Variants in MAML2 observed in about 807,000 individuals in gnomAD.
MAML2 encodes the protein mastermind like transcriptional coactivator 2.
MAML2 carries 22 observed loss-of-function variants against 96.1 expected under a neutral mutation model. The observed-to-expected ratio is 0.23, with a 90% confidence interval of 0.16 to 0.33. The LOEUF (loss-of-function observed/expected upper bound fraction) is 0.33. MAML2 is among the 10% of genes least tolerant of loss of function. The probability of loss-of-function intolerance (pLI) is 1.00; values close to 1 mark genes in which losing one functional copy is unlikely to be tolerated. For missense variants in MAML2, 1,367 were observed against 1,392.4 expected (o/e 0.98, Z 0.29); for synonymous variants, 561 against 521.3 (o/e 1.08, Z -1.04).
intron 1 of MAML2, among the ~76,000 whole-genome samples, chr11:96,139,846 G>A (rs909957755): frequency 5.9e-5 from 9 of 152,086 alleles, no homozygotes; most frequent in East Asian, 1.9e-4. Context: ...TGAAATTTCC[G>A]TCTCTGTTGC....
At chr11:96,105,064 T>C (rs1029804792) in intron 1 of MAML2, among the ~76,000 whole-genome samples, 1 of 152,120 alleles carries the variant, frequency 6.6e-6, no homozygotes, top group African/African-American at 2.4e-5. Context: ...ATAATCACAC[T>C]CAATAAAGTT....
At chr11:96,188,204 C>T (rs749428461) in intron 1 of MAML2, among the ~76,000 whole-genome samples, 10 of 152,184 alleles carry the variant, frequency 6.6e-5, no homozygotes, top group African/African-American at 9.7e-5. Flanking sequence ...ATGTTTGAAA[C>T]CTTAGGTTTC....
chr11:96,289,770 C>T (rs1018973375), intron 1 of MAML2, among the ~76,000 whole-genome samples: 1 of 151,864 alleles, frequency 6.6e-6, no homozygotes, highest in East Asian at 1.9e-4. Context: ...TATTGGTGTG[C>T]CTAACATTCT....
At chr11:96,297,153 A>C (rs1863315067) in intron 1 of MAML2, among the ~76,000 whole-genome samples, 1 of 152,146 alleles carries the variant, frequency 6.6e-6, no homozygotes, top group Non-Finnish European at 1.5e-5. Context: ...GATGATGGGG[A>C]GACAGAGGAA....
chr11:96,067,100 G>C (rs1346572186), intron 2 of MAML2, among the ~76,000 whole-genome samples: 1 of 152,138 alleles, frequency 6.6e-6, no homozygotes, highest in Non-Finnish European at 1.5e-5. Context: ...GGTTCTGAGT[G>C]GGGAGGAGAC....
intron 1 of MAML2, among the ~76,000 whole-genome samples, chr11:96,133,353 T>C (rs1299133738): frequency 6.6e-6 from 1 of 152,232 alleles, no homozygotes; most frequent in Non-Finnish European, 1.5e-5. Context: ...CATTTTCTTA[T>C]CATTTTTTAT....
At chr11:96,229,097 G>GA (rs1862255151) in intron 1 of MAML2, among the ~76,000 whole-genome samples, 1 of 151,978 alleles carries the variant, frequency 6.6e-6, no homozygotes, top group South Asian at 2.1e-4. Flanking sequence ...TTTCTCAGCA[G>GA]AAAAATGCAA....
At chr11:96,086,548 C>T (rs562563968) in intron 2 of MAML2, among the ~76,000 whole-genome samples, 1 of 152,068 alleles carries the variant, frequency 6.6e-6, no homozygotes, top group African/African-American at 2.4e-5. Context: ...AAGAATATGC[C>T]TGCAATATGA....
chr11:96,310,132 C>T (rs1268074584), intron 1 of MAML2, among the ~76,000 whole-genome samples: 7 of 151,914 alleles, frequency 4.6e-5, no homozygotes, highest in Admixed American at 2.0e-4. Flanking sequence ...ACTGTGATTA[C>T]GTGAAAAGGA....
At chr11:96,030,167 C>T (rs1404981570) in intron 2 of MAML2, among the ~76,000 whole-genome samples, 4 of 151,514 alleles carry the variant, frequency 2.6e-5, no homozygotes, top group African/African-American at 4.8e-5. Flanking sequence ...ACCTGGGAGG[C>T]GGAGCTTGCA....
chr11:96,290,721 G>C (rs1302578136), intron 1 of MAML2, among the ~76,000 whole-genome samples: 1 of 152,084 alleles, frequency 6.6e-6, no homozygotes, highest in Non-Finnish European at 1.5e-5. Context: ...TCATGAAATG[G>C]TATTATTCAC....
intron 1 of MAML2, among the ~76,000 whole-genome samples, chr11:96,283,677 G>A (rs530867647): frequency 1.3e-5 from 2 of 152,176 alleles, no homozygotes; most frequent in African/African-American, 4.8e-5. Context: ...TGTCCTCTAC[G>A]TTCTGAAGTC....
chr11:96,208,578 T>C (rs1226192363), intron 1 of MAML2, among the ~76,000 whole-genome samples: 1 of 152,232 alleles, frequency 6.6e-6, no homozygotes, highest in Non-Finnish European at 1.5e-5. Context: ...GGGCTAACCC[T>C]GGATGATATA....
intron 1 of MAML2, among the ~76,000 whole-genome samples, chr11:96,221,070 TATAAA>T (rs1340297478): frequency 6.6e-6 from 1 of 152,224 alleles, no homozygotes; most frequent in Non-Finnish European, 1.5e-5. Flanking sequence ...GATGTATTAC[TATAAA>T]ATAAGTTCAC....
chr11:96,280,636 G>T (rs1863052132), intron 1 of MAML2, among the ~76,000 whole-genome samples: 1 of 152,176 alleles, frequency 6.6e-6, no homozygotes, highest in African/African-American at 2.4e-5. Context: ...CCTCCCTAAG[G>T]TGAAAGACTC....
intron 1 of MAML2, among the ~76,000 whole-genome samples, chr11:96,150,743 G>A (rs1176898482): frequency 6.6e-6 from 1 of 152,044 alleles, no homozygotes; most frequent in Non-Finnish European, 1.5e-5. Context: ...CCATCCCTGT[G>A]GTCACTACTC....
rs187787129 is a variant in MAML2 at position 96,117,480 on chromosome 11, T to G, written c.514-23963A>C. The stretch of plus-strand genomic sequence containing the variant: ...CCAGCTGATTTTTTTTTGTATTTTT[T>G]GTTGAGACAAGGTTTTGCCACATTG... On this transcript the variant is annotated intron_variant, in intron 1 of 4. Coordinates refer to ENST00000524717, the MANE Select transcript of MAML2 (RefSeq NM_032427.4). Among the ~76,000 whole-genome samples the G allele has an allele frequency of 2.0e-3, 311 of 152,006 alleles. 2 individuals carry two copies. Among genetic ancestry groups the G allele is most frequent in the Admixed American group, 5.5e-3 (84 of 15,276 alleles).
intron 1 of MAML2, among the ~76,000 whole-genome samples, chr11:96,240,557 C>CA (rs55659413): frequency 0.033 from 1,702 of 50,998 alleles, 283 homozygotes; most frequent in South Asian, 0.19. Context: ...GACTCCGTCT[C>CA]AAAAAAAAAA....
At chr11:96,021,300 G>A (rs1033333350) in intron 2 of MAML2, among the ~76,000 whole-genome samples, 5 of 152,196 alleles carry the variant, frequency 3.3e-5, no homozygotes, top group Non-Finnish European at 7.3e-5. Context: ...ACTCACAGCA[G>A]TGCTTAATAA....
Sources: gnomAD v4.1 joint callset for allele counts (sites outside exome capture counted in the v4.1 genomes callset) on GRCh38, gnomAD v4.1.1 for gene constraint, MANE v1.5 for transcripts, NCBI Gene and HGNC (gene_info 2026-07-23, HGNC 2026-07-21) for gene names.